The following MAGI1 variants were observed in gnomAD, a reference collection of about 807,000 sequenced individuals.
The protein encoded by MAGI1 is membrane-associated guanylate kinase, WW and PDZ domain-containing protein 1.
A neutral mutation model predicts 139.9 loss-of-function variants in MAGI1; 58 were observed. The ratio of observed to expected loss-of-function variants is 0.41; its 90% CI spans 0.34 to 0.52. MAGI1 has a LOEUF of 0.52. Among genes scored for constraint, MAGI1 ranks in the 20% least tolerant of loss-of-function variants. The probability of loss-of-function intolerance (pLI) is 0.12; values close to 1 mark genes in which losing one functional copy is unlikely to be tolerated. For synonymous variants in MAGI1, 812 were observed against 737.9 expected (o/e 1.10, Z -1.63); for missense variants, 1,874 against 1,901.6 (o/e 0.99, Z 0.27).
intron 1 of MAGI1, among the ~76,000 whole-genome samples, chr3:65,655,863 T>A (rs1318286580): frequency 6.6e-6 from 1 of 152,188 alleles, no homozygotes; most frequent in Non-Finnish European, 1.5e-5. Flanking sequence ...AAATTCCAAC[T>A]CCAGTTCAGT....
At chr3:65,695,983 C>T (rs1006110283) in intron 1 of MAGI1, among the ~76,000 whole-genome samples, 1 of 152,172 alleles carries the variant, frequency 6.6e-6, no homozygotes, top group Non-Finnish European at 1.5e-5. Context: ...AAGGCAGATG[C>T]TATCACAACA....
chr3:65,934,930 A>G (rs575712895), intron 1 of MAGI1, among the ~76,000 whole-genome samples: 37 of 152,306 alleles, frequency 2.4e-4, no homozygotes, highest in Non-Finnish European at 4.4e-4. Flanking sequence ...GGTTGGTACA[A>G]ACACAGTAAA....
chr3:65,670,253 G>A (rs1405399350), intron 1 of MAGI1, among the ~76,000 whole-genome samples: 1 of 151,902 alleles, frequency 6.6e-6, no homozygotes, highest in African/African-American at 2.4e-5. Context: ...GTATCCTATT[G>A]TGTACTTTCC....
At chr3:65,733,517 T>C (rs570791550) in intron 1 of MAGI1, among the ~76,000 whole-genome samples, 2 of 152,312 alleles carry the variant, frequency 1.3e-5, no homozygotes, top group East Asian at 3.9e-4. Context: ...GCTCTAAGAT[T>C]ATCTGTCAGT....
At chr3:65,847,014 T>C (rs1171664017) in intron 1 of MAGI1, among the ~76,000 whole-genome samples, 1 of 143,800 alleles carries the variant, frequency 7.0e-6, no homozygotes, top group African/African-American at 2.8e-5. Flanking sequence ...CACATTTGTT[T>C]ATACCAATTT....
At chr3:65,945,388 G>A (rs1487115102) in intron 1 of MAGI1, among the ~76,000 whole-genome samples, 1 of 152,136 alleles carries the variant, frequency 6.6e-6, no homozygotes, top group African/African-American at 2.4e-5. Flanking sequence ...CTGATGATCT[G>A]GGGACCACAC....
intron 1 of MAGI1, among the ~76,000 whole-genome samples, chr3:65,789,228 C>T (rs1280011450): frequency 6.6e-6 from 1 of 152,054 alleles, no homozygotes; most frequent in Admixed American, 6.6e-5. Context: ...CCAAAATGTC[C>T]AGTCAGTGGG....
intron 1 of MAGI1, among the ~76,000 whole-genome samples, chr3:65,708,397 G>A (rs2030761879): frequency 6.6e-6 from 1 of 152,236 alleles, no homozygotes; most frequent in African/African-American, 2.4e-5. Flanking sequence ...AGGCTCAGAG[G>A]AGCAGCCAGG....
intron 5 of MAGI1, among the ~76,000 whole-genome samples, chr3:65,454,559 A>ATAATAAT (rs1553646629): frequency 7.2e-6 from 1 of 139,002 alleles, no homozygotes; most frequent in Non-Finnish European, 1.5e-5. Context: ...TAATAATAAA[A>ATAATAAT]AAATACTTGT....
intron 1 of MAGI1, among the ~76,000 whole-genome samples, chr3:65,713,024 T>C (rs1559811220): frequency 6.6e-6 from 1 of 152,188 alleles, no homozygotes; most frequent in African/African-American, 2.4e-5. Context: ...GGAATCTTAC[T>C]GTTCAGTTTT....
Position 65,980,725 on chromosome 3 carries a change from T to TGA in MAGI1, c.313+57269_313+57270dup, listed in dbSNP as rs1028868994. Among the ~76,000 whole-genome samples, 10 of 152,354 alleles carry TGA rather than the reference T, an allele frequency of 6.6e-5. 1 individual carries two copies. The Middle Eastern group carries it at 0.01, about 155-fold the overall frequency. On this transcript the variant is annotated intron_variant, in intron 1 of 22. Coordinates refer to ENST00000402939, the MANE Select transcript of MAGI1 (RefSeq NM_001033057.2). Reference sequence around the variant, plus strand: ...TGGTATTGTGGAAGAGGCCCTGGCCTGAGAGTTGGAATGCTCGCTTATTAG... The same window carrying TGA: ...TGGTATTGTGGAAGAGGCCCTGGCCTGAGAGAGTTGGAATGCTCGCTTATTAG...
At chr3:65,868,589 C>A (rs2059810893) in intron 1 of MAGI1, among the ~76,000 whole-genome samples, 1 of 152,106 alleles carries the variant, frequency 6.6e-6, no homozygotes, top group Admixed American at 6.5e-5. Flanking sequence ...AGAATGCTTA[C>A]CCACATCCAG....
intron 5 of MAGI1, among the ~76,000 whole-genome samples, chr3:65,454,720 T>C (rs1305720002): frequency 2.3e-5 from 3 of 131,428 alleles, no homozygotes; most frequent in Non-Finnish European, 4.7e-5. Flanking sequence ...ATCTTATTAA[T>C]TGTCAAAAAA....
chr3:65,625,696 A>T (rs910303257), intron 1 of MAGI1, among the ~76,000 whole-genome samples: 2 of 152,188 alleles, frequency 1.3e-5, no homozygotes, highest in Non-Finnish European at 2.9e-5. Context: ...AAAGAAAGAA[A>T]ATCAGTTCAA....
intron 1 of MAGI1, among the ~76,000 whole-genome samples, chr3:65,800,938 A>C (rs1378429786): frequency 6.6e-6 from 1 of 152,202 alleles, no homozygotes; most frequent in African/African-American, 2.4e-5. Context: ...TTCTGCACCA[A>C]TGTAATATTT....
intron 1 of MAGI1, among the ~76,000 whole-genome samples, chr3:65,879,118 C>T (rs1037504975): frequency 1.3e-5 from 2 of 152,064 alleles, no homozygotes; most frequent in Non-Finnish European, 2.9e-5. Flanking sequence ...AAGAGTATCC[C>T]CACCAGGCAG....
intron 2 of MAGI1, among the ~76,000 whole-genome samples, chr3:65,581,364 GA>G (rs952363264): frequency 9.3e-5 from 14 of 150,538 alleles, no homozygotes; most frequent in African/African-American, 3.2e-4. Context: ...TACTGTACAA[GA>G]AAAAAAAAGG....
chr3:65,674,289 C>T lies in MAGI1; in HGVS notation c.314-52201G>A, dbSNP rs975862745. On this transcript the variant is annotated intron_variant, in intron 1 of 22. Coordinates refer to ENST00000402939, the MANE Select transcript of MAGI1 (RefSeq NM_001033057.2). ...AGACAATACACAAGCACAGAGAAGC[C>T]GATCTCAGCCCTATCAGCATGAGAC... Among the ~76,000 whole-genome samples the T allele has an allele frequency of 3.9e-5, 6 of 152,088 alleles. No individual in the cohort carries two copies. The East Asian group carries it at 5.8e-4, about 15-fold the overall frequency.
chr3:65,969,545 G>A (rs1002163579), intron 1 of MAGI1, among the ~76,000 whole-genome samples: 5 of 152,172 alleles, frequency 3.3e-5, no homozygotes, highest in African/African-American at 1.2e-4. Context: ...GGGGAAGGAC[G>A]CTGACTGCCT....
Sources: gnomAD v4.1 joint callset for allele counts (sites outside exome capture counted in the v4.1 genomes callset) on GRCh38, gnomAD v4.1.1 for gene constraint, MANE v1.5 for transcripts, NCBI Gene and HGNC (gene_info 2026-07-23, HGNC 2026-07-21) for gene names.